C12orf42: variants seen among roughly 807,000 people sequenced by gnomAD.
The protein encoded by C12orf42 is chromosome 12 open reading frame 42, also known as uncharacterized protein C12orf42.
C12orf42 carries 25 observed loss-of-function variants against 21.6 expected under a neutral mutation model. The ratio of observed to expected loss-of-function variants is 1.16; its 90% confidence interval spans 0.84 to 1.62. C12orf42 has a LOEUF of 1.62. C12orf42 is among the 40% of genes most tolerant of loss of function. The pLI, the probability that C12orf42 is intolerant of heterozygous loss-of-function variation, is 0.00. For synonymous variants in C12orf42, 174 were observed against 175.0 expected, an observed-to-expected ratio of 0.99 and a Z score of 0.05; for missense variants, 483 against 459.3, an observed-to-expected ratio of 1.05 and a Z score of -0.47.
the C12orf42 span, among the ~76,000 whole-genome samples, chr12:103,056,622 G>T: frequency 6.6e-6 from 1 of 152,054 alleles, no homozygotes; most frequent in African/African-American, 2.4e-5. Context: ...CTGAAGCTCT[G>T]TTTATGTGTT....
At chr12:103,517,291 C>T in the C12orf42 span, among the ~76,000 whole-genome samples, 14 of 152,238 alleles carry the variant, frequency 9.2e-5, 1 homozygote, top group East Asian at 2.7e-3. Flanking sequence ...GCTAGTCAAA[C>T]GAGTTTAGGA....
chr12:103,261,033 T>C (rs1035608535), intron 10 of C12orf42, among the ~76,000 whole-genome samples: 3 of 152,224 alleles, frequency 2.0e-5, no homozygotes, highest in African/African-American at 7.2e-5. Context: ...GTATTGGTTA[T>C]GCTAAAAATT....
At chr12:103,485,386 A>C (rs1954765312) in intron 1 of C12orf42, among the ~76,000 whole-genome samples, 1 of 152,158 alleles carries the variant, frequency 6.6e-6, no homozygotes, top group Non-Finnish European at 1.5e-5. Flanking sequence ...CTTGTAGTTT[A>C]GTTTGAAGTT....
At chr12:103,223,856 CT>C in the C12orf42 span, among the ~76,000 whole-genome samples, 1 of 152,118 alleles carries the variant, frequency 6.6e-6, no homozygotes, top group Non-Finnish European at 1.5e-5. Context: ...GTGTCCAGTC[CT>C]TTTTGGTGGC....
At chr12:103,182,500 T>C in the C12orf42 span, among the ~76,000 whole-genome samples, 1 of 152,220 alleles carries the variant, frequency 6.6e-6, no homozygotes, top group African/African-American at 2.4e-5. Flanking sequence ...TCTACCCATG[T>C]GATAGCATTG....
chr12:103,406,139 C>A (rs2048411800), intron 2 of C12orf42, among the ~76,000 whole-genome samples: 1 of 152,176 alleles, frequency 6.6e-6, no homozygotes, highest in Admixed American at 6.5e-5. Context: ...ATACACTATT[C>A]TTGAAGGCAC....
intron 10 of C12orf42, among the ~76,000 whole-genome samples, chr12:103,256,376 A>G (rs2034619914): frequency 2.0e-5 from 3 of 151,794 alleles, no homozygotes; most frequent in African/African-American, 7.3e-5. Flanking sequence ...AATGTTTACA[A>G]CAAAACTAGG....
At chr12:103,120,722 T>C in the C12orf42 span, among the ~76,000 whole-genome samples, 1 of 149,438 alleles carries the variant, frequency 6.7e-6, no homozygotes, top group Non-Finnish European at 1.5e-5. Flanking sequence ...ATATCTGTTA[T>C]TACTATAATA....
intron 10 of C12orf42, among the ~76,000 whole-genome samples, chr12:103,257,643 CAG>C (rs1307433194): frequency 6.6e-6 from 1 of 151,694 alleles, no homozygotes; most frequent in Non-Finnish European, 1.5e-5. Context: ...TTAAGGGAAA[CAG>C]AAGGCAGAAA....
At chr12:103,101,132 A>C in the C12orf42 span, among the ~76,000 whole-genome samples, 1 of 152,236 alleles carries the variant, frequency 6.6e-6, no homozygotes, top group South Asian at 2.1e-4. Flanking sequence ...AGGTTATCAC[A>C]AGGATCAAAA....
chr12:103,241,983 C>T (rs1282448360), intron 10 of C12orf42, among the ~76,000 whole-genome samples: 1 of 152,144 alleles, frequency 6.6e-6, no homozygotes, highest in Non-Finnish European at 1.5e-5. Flanking sequence ...TAATTAAACA[C>T]TTGCTGAATC....
the C12orf42 span, among the ~76,000 whole-genome samples, chr12:103,122,109 G>A: frequency 6.6e-6 from 1 of 152,334 alleles, no homozygotes; most frequent in Non-Finnish European, 1.5e-5. Context: ...CAGGCTGGAG[G>A]AAGAACTGTG....
At chr12:103,274,122 C>A (rs1199042361) in intron 5 of C12orf42, among the ~76,000 whole-genome samples, 2 of 152,146 alleles carry the variant, frequency 1.3e-5, no homozygotes, top group Non-Finnish European at 2.9e-5. Context: ...TTAATCCTCA[C>A]AACATCCTAG....
intron 3 of C12orf42, among the ~76,000 whole-genome samples, chr12:103,391,265 A>C (rs929417295): frequency 6.6e-6 from 1 of 152,094 alleles, no homozygotes; most frequent in Admixed American, 6.5e-5. Flanking sequence ...ACAAGTATCC[A>C]TTTCTCTGTT....
chr12:103,089,165 C>G, the C12orf42 span, among the ~76,000 whole-genome samples: 1 of 139,454 alleles, frequency 7.2e-6, no homozygotes, highest in African/African-American at 2.7e-5. Flanking sequence ...ATCTTCAAGA[C>G]AGATCTTTTG....
At chr12:103,380,475 T>C (rs1160507017) in intron 3 of C12orf42, among the ~76,000 whole-genome samples, 1 of 152,140 alleles carries the variant, frequency 6.6e-6, no homozygotes, top group Non-Finnish European at 1.5e-5. Flanking sequence ...ATACAAGTAA[T>C]GTCGGTAAGT....
chr12:103,332,857 C>T (rs1318334762), intron 4 of C12orf42, among the ~76,000 whole-genome samples: 1 of 152,194 alleles, frequency 6.6e-6, no homozygotes, highest in Admixed American at 6.5e-5. Flanking sequence ...ACTATCTTGA[C>T]CTTTACAGAA....
chr12:103,251,853 C>A lies in C12orf42; in HGVS notation c.*1366+11473G>T, dbSNP rs114587933. Among the ~76,000 whole-genome samples the A allele has an allele frequency of 5.8e-3, 887 of 152,256 alleles. 9 individuals carry two copies. The highest frequency in any genetic ancestry group is 0.02 in the African/African-American group (848 of 41,550). ...TATATATAAGCATATAAGACCTTCA[C>A]CATGTAATGAAATAAAAATATAAAT... On this transcript the variant is annotated intron_variant and NMD_transcript_variant, in intron 10 of 10. Coordinates refer to the C12orf42 transcript ENST00000547347.
the C12orf42 span, among the ~76,000 whole-genome samples, chr12:103,162,091 C>T: frequency 1.3e-5 from 2 of 152,194 alleles, no homozygotes; most frequent in Non-Finnish European, 1.5e-5. Flanking sequence ...TCTTCCCCAA[C>T]ATTGGCTCCT....
Sources: allele counts gnomAD v4.1 joint callset (sites outside exome capture counted in the v4.1 genomes callset), GRCh38; gene constraint gnomAD v4.1.1; transcripts MANE v1.5; gene names NCBI Gene and HGNC (gene_info 2026-07-23, HGNC 2026-07-21).